Variants in TRAF3IP3 observed in about 807,000 individuals in gnomAD.
The protein encoded by TRAF3IP3 is TRAF3-interacting JNK-activating modulator.
Under a neutral mutation model 86.5 loss-of-function variants are expected in TRAF3IP3, and 64 were observed. That is an observed-to-expected ratio of 0.74 (90% confidence interval 0.60 to 0.91). The LOEUF is 0.91. TRAF3IP3 is among the 40% of genes least tolerant of loss of function. The probability of loss-of-function intolerance (pLI) is 0.00; values close to 1 mark genes in which losing one functional copy is unlikely to be tolerated. For missense variants in TRAF3IP3, 579 were observed against 642.9 expected, an observed-to-expected ratio of 0.90 and a Z score of 1.07; for synonymous variants, 220 against 243.9, an observed-to-expected ratio of 0.90 and a Z score of 0.91.
chr1:209,775,626 T>C lies in TRAF3IP3; in HGVS notation c.943T>C (p.Cys315Arg), dbSNP rs764772451. The change falls in exon 11 of 17, where the codon TGT (cysteine) becomes CGT (arginine). Residue 315 changes from cysteine (C) to arginine (R), a missense_variant. Transcript: ENST00000367025. ...ATCCCTGGCCCTGGCAGAGCAGAAGTGTGAAGAGTGGAGGAGCCAGTATGA... is the reference window on the plus strand; with the variant it reads ...ATCCCTGGCCCTGGCAGAGCAGAAGCGTGAAGAGTGGAGGAGCCAGTATGA... ...QRSLALAEQK[C>R]EEWRSQYEAL... The C allele has an allele frequency of 2.8e-5, 45 of 1,613,784 alleles. No individual in the cohort carries two copies. Among genetic ancestry groups the C allele is most frequent in the Non-Finnish European group, 3.2e-5 (38 of 1,179,956 alleles).
chr1:209,765,229 G>GAGAGAGGGAGAGAGAGA (rs1558013047), intron 8 of TRAF3IP3, among the ~76,000 whole-genome samples: 2 of 42,800 alleles, frequency 4.7e-5, no homozygotes, highest in Admixed American at 1.9e-4. Context: ...GAGAGAGAGA[G>GAGAGAGGGAGAGAGAGA]GAAGGAAGGA....
At chr1:209,764,321 G>T (rs147396821) in intron 8 of TRAF3IP3, among the ~76,000 whole-genome samples, 255 of 152,282 alleles carry the variant, frequency 1.7e-3, no homozygotes, top group Admixed American at 3.5e-3. Context: ...ATGTTTTCAA[G>T]ATATAGGAAA....
chr1:209,770,757 G>T (rs1353348969), intron 8 of TRAF3IP3, among the ~76,000 whole-genome samples: 1 of 144,490 alleles, frequency 6.9e-6, no homozygotes, highest in Non-Finnish European at 1.5e-5. Context: ...GTGTGCAGGT[G>T]GAGGTGTGCG....
intron 8 of TRAF3IP3, among the ~76,000 whole-genome samples, chr1:209,771,523 G>GTGCAGGTGGAGGTACGTGTA: frequency 6.7e-6 from 1 of 150,288 alleles, no homozygotes; most frequent in Non-Finnish European, 1.5e-5. Flanking sequence ...AGGTGTGTGT[G>GTGCAGGTGGAGGTACGTGTA]TGCAGGTGGA....
chr1:209,776,611 T>G (rs2077659010), intron 11 of TRAF3IP3: 1 of 150,388 alleles, frequency 6.6e-6, no homozygotes, highest in Non-Finnish European at 1.5e-5. Context: ...TTGTGAGGGG[T>G]TTTTTAACTT....
chr1:209,779,051 T>C (rs1218102426), intron 13 of TRAF3IP3: 1 of 519,362 alleles, frequency 1.9e-6, no homozygotes, highest in Non-Finnish European at 3.4e-6. Flanking sequence ...CCCCTTCTTA[T>C]AAGGACACCA....
chr1:209,779,471 C>A, intron 14 of TRAF3IP3, 97 bp downstream of exon 14: 1 of 1,040,868 alleles, frequency 9.6e-7, no homozygotes, highest in Non-Finnish European at 1.5e-6. Flanking sequence ...GAGTCCCAGC[C>A]AGTTCTGGGA....
chr1:209,768,435 C>T (rs1452493939), intron 8 of TRAF3IP3: 11 of 985,384 alleles, frequency 1.1e-5, no homozygotes, highest in East Asian at 1.1e-4. Flanking sequence ...AATACAAAAA[C>T]GAGAGCAGGG....
chr1:209,768,853 G>C (rs1048610278), intron 8 of TRAF3IP3, among the ~76,000 whole-genome samples: 1 of 152,182 alleles, frequency 6.6e-6, no homozygotes, highest in Non-Finnish European at 1.5e-5. Flanking sequence ...TGCCCGATTT[G>C]CAACAACTTG....
rs2077576462 is a variant in TRAF3IP3 at position 209,772,894 on chromosome 1, T to C, written c.703-54T>C. 21 of 1,495,188 alleles carry C rather than the reference T, an allele frequency of 1.4e-5. No individual in the cohort carries two copies. The South Asian group carries it at 2.4e-4, about 17-fold the overall frequency. The allele number at this position is 1,495,188 out of a possible 1,614,324, so 92.6% of individuals were successfully genotyped here. ...GTAGAATAGGAATATAGAGTCAAACTCTTTGCAGACTAGATTTTGCCCCAA... is the reference window on the plus strand; with the variant it reads ...GTAGAATAGGAATATAGAGTCAAACCCTTTGCAGACTAGATTTTGCCCCAA... On this transcript the variant is annotated intron_variant, in intron 8 of 16. Transcript: ENST00000367025.
Position 209,775,705 on chromosome 1 carries a change from G to C in TRAF3IP3, c.1022G>C (p.Ser341Thr). ...TLGTQHRELE[S>T]QLHVLQSKLQ... is the part of the protein sequence containing the mutation. The stretch of plus-strand genomic sequence containing the variant: ...GGGACCCAGCACAGGGAGCTGGAGA[G>C]CCAACTCCACGTGCTTCAGTCCAAA... Residue 341 changes from serine (S) to threonine (T), a missense_variant, in exon 11 of 17, where the codon AGC becomes ACC. Coordinates refer to ENST00000367025, the MANE Select transcript of TRAF3IP3 (RefSeq NM_025228.4). 6.2e-7 allele frequency: 1 copy of C among 1,613,632 alleles called. No individual in the cohort carries two copies. Among genetic ancestry groups the C allele is most frequent in the Non-Finnish European group, 8.5e-7 (1 of 1,179,914 alleles).
chr1:209,760,258 AGAG>A lies in TRAF3IP3; in HGVS notation c.223_225del (p.Glu75del), dbSNP rs778808662. On this transcript the variant is annotated inframe_deletion, in exon 3 of 17. Transcript: ENST00000367025. ...TCTTCAGGAGGAGGAACCTGGAGCTAGAGGAGAAGGGCAAAGCGCAGCATCCCC... is the reference window on the plus strand; with the variant it reads ...TCTTCAGGAGGAGGAACCTGGAGCTAGAGAAGGGCAAAGCGCAGCATCCCC... The A allele has an allele frequency of 1.9e-6, 3 of 1,614,122 alleles. No homozygotes were observed. Among genetic ancestry groups the A allele is most frequent in the Middle Eastern group, 1.6e-4 (1 of 6,084 alleles).
chr1:209,757,926 T>C (rs1346811298), intron 1 of TRAF3IP3, among the ~76,000 whole-genome samples: 3 of 152,182 alleles, frequency 2.0e-5, no homozygotes, highest in African/African-American at 7.2e-5. Flanking sequence ...GGCTTAGAGA[T>C]GTTTAATAGC....
At chr1:209,763,286 G>A (rs6540556) in intron 6 of TRAF3IP3, 77 bp from the exon 7 acceptor site, 390,396 of 1,551,428 alleles carry the variant, frequency 0.25, 57,127 homozygotes, top group African/African-American at 0.67. Context: ...ACACAAGCCA[G>A]CCCAGGCTCT....
At chr1:209,759,818 T>C (rs1240858324) in intron 2 of TRAF3IP3, among the ~76,000 whole-genome samples, 164 bp from the exon 3 acceptor site, 3 of 152,240 alleles carry the variant, frequency 2.0e-5, no homozygotes, top group Non-Finnish European at 4.4e-5. Flanking sequence ...CATTAGAGAC[T>C]GAGCCCAAGA....
At chr1:209,775,251 TG>T (rs1558026415) in intron 9 of TRAF3IP3, 97 bp from the exon 10 acceptor site, 3 of 1,211,502 alleles carry the variant, frequency 2.5e-6, no homozygotes, top group Non-Finnish European at 3.5e-6. Context: ...TATCTCTGCC[TG>T]GGGGAAGAAC....
At chr1:209,757,415 C>T (rs1571903450) in intron 1 of TRAF3IP3, among the ~76,000 whole-genome samples, 1 of 152,026 alleles carries the variant, frequency 6.6e-6, no homozygotes. Flanking sequence ...GAAGCTGAGC[C>T]AAACAGGGAG....
At chr1:209,763,627 C>T in intron 8 of TRAF3IP3, 40 bp downstream of exon 8, 2 of 1,492,420 alleles carry the variant, frequency 1.3e-6, no homozygotes, top group Non-Finnish European at 1.9e-6. Context: ...GCTTGGGCTT[C>T]TATGTGTTCC....
chr1:209,765,727 T>C (rs2077344930), intron 8 of TRAF3IP3, among the ~76,000 whole-genome samples: 1 of 152,212 alleles, frequency 6.6e-6, no homozygotes, highest in Non-Finnish European at 1.5e-5. Context: ...AGGAGTATCA[T>C]TGCTTTACAC....
Sources: gnomAD v4.1 joint callset for allele counts (sites outside exome capture counted in the v4.1 genomes callset) on GRCh38, gnomAD v4.1.1 for gene constraint, MANE v1.5 for transcripts, NCBI Gene and HGNC (gene_info 2026-07-23, HGNC 2026-07-21) for gene names.